Variants in ITPR1 observed in about 807,000 individuals in gnomAD.
The protein encoded by ITPR1 is inositol 1,4,5-trisphosphate receptor type 1, also known as inositol 1,4,5-trisphosphate-gated calcium channel ITPR1.
Under a neutral mutation model 318.4 loss-of-function variants are expected in ITPR1, and 96 were observed. The ratio of observed to expected loss-of-function variants is 0.30; its 90% confidence interval spans 0.26 to 0.36. The LOEUF is 0.36. Among genes scored for constraint, ITPR1 ranks in the 10% least tolerant of loss-of-function variants. ITPR1 has a pLI of 1.00. For missense variants in ITPR1, 2,440 were observed against 3,460.2 expected (o/e 0.71, Z 7.40); for synonymous variants, 1,312 against 1,289.9 (o/e 1.02, Z -0.37).
At chr3:4,824,503 G>A (rs2049940662) in intron 60 of ITPR1, among the ~76,000 whole-genome samples, 1 of 152,148 alleles carries the variant, frequency 6.6e-6, no homozygotes, top group Admixed American at 6.5e-5. Flanking sequence ...TTACCTGTGT[G>A]CACATGCACA....
intron 45 of ITPR1, 105 bp from the exon 46 acceptor site, chr3:4,768,406 T>A (rs1258017385): frequency 1.7e-5 from 22 of 1,320,500 alleles, no homozygotes; most frequent in Non-Finnish European, 2.1e-5. Context: ...ACTTTGAACG[T>A]CTCTAGGAGA....
chr3:4,521,514 G>T (rs1049006999), intron 4 of ITPR1, among the ~76,000 whole-genome samples: 3 of 152,098 alleles, frequency 2.0e-5, no homozygotes, highest in Non-Finnish European at 4.4e-5. Context: ...TGTCTCACTG[G>T]AATGAAACGT....
At chr3:4,665,107 T>G (rs1276317259) in intron 16 of ITPR1, 31 bp from the exon 17 acceptor site, 1 of 1,613,338 alleles carries the variant, frequency 6.2e-7, no homozygotes, top group Admixed American at 1.7e-5. Context: ...CCTAAGTGAT[T>G]GCCATTTTTG....
chr3:4,622,240 G>A (rs1374664069), intron 4 of ITPR1, among the ~76,000 whole-genome samples: 1 of 150,296 alleles, frequency 6.7e-6, no homozygotes, highest in Non-Finnish European at 1.5e-5. Flanking sequence ...TCAGCCTCCT[G>A]AGTAGCTGGG....
chr3:4,689,371 G>A (rs866304370), intron 31 of ITPR1, among the ~76,000 whole-genome samples: 1 of 152,230 alleles, frequency 6.6e-6, no homozygotes, highest in Admixed American at 6.5e-5. Context: ...TTGCTGGATT[G>A]TAGGATAATA....
At chr3:4,806,007 G>T in intron 54 of ITPR1, 96 bp from the exon 55 acceptor site, 1 of 1,079,652 alleles carries the variant, frequency 9.3e-7, no homozygotes, top group Non-Finnish European at 1.3e-6. Context: ...GTTTGGGCAC[G>T]GTGACTGAAA....
chr3:4,678,032 C>T (rs908586634), intron 24 of ITPR1, among the ~76,000 whole-genome samples: 2 of 151,318 alleles, frequency 1.3e-5, no homozygotes, highest in African/African-American at 2.4e-5. Flanking sequence ...TTAGCACCTT[C>T]TTTTTTTTTA....
rs553308863 is a variant in ITPR1 at position 4,580,115 on chromosome 3, C to A, written c.164-47648C>A. Among the ~76,000 whole-genome samples, 8 of 152,098 alleles carry A rather than the reference C, an allele frequency of 5.3e-5. No homozygotes were observed. In the East Asian group the frequency reaches 1.5e-3, roughly 29 times the overall value. Reference sequence around the variant, plus strand: ...GTCCCAGCTACCCGGGAGGCTGAGGCAGGAGAATGGCGTGAACCCGGGAGG... The same window carrying A: ...GTCCCAGCTACCCGGGAGGCTGAGGAAGGAGAATGGCGTGAACCCGGGAGG... On this transcript the variant is annotated intron_variant, in intron 4 of 61. Transcript: ENST00000649015.
intron 37 of ITPR1, among the ~76,000 whole-genome samples, chr3:4,706,715 A>C (rs193015692): frequency 1.4e-3 from 208 of 152,350 alleles, no homozygotes; most frequent in Non-Finnish European, 2.6e-3. Context: ...TTGAATCAGC[A>C]GGTGAACAAG....
intron 4 of ITPR1, among the ~76,000 whole-genome samples, chr3:4,617,988 C>CAA (rs71053433): frequency 7.3e-4 from 96 of 131,780 alleles, no homozygotes; most frequent in Middle Eastern, 3.7e-3. Flanking sequence ...GTGCGTATCT[C>CAA]AAAAAAAAAA....
intron 4 of ITPR1, among the ~76,000 whole-genome samples, chr3:4,609,051 A>AAT (rs754002503): frequency 0.058 from 2,693 of 46,302 alleles, 130 homozygotes; most frequent in East Asian, 0.16. Context: ...ACAACAACGA[A>AAT]ATATATATAT....
At chr3:4,697,089 T>G (rs1256028181) in intron 33 of ITPR1, 58 bp from the exon 34 acceptor site, 1 of 1,551,132 alleles carries the variant, frequency 6.4e-7, no homozygotes, top group Admixed American at 1.8e-5. Context: ...TTGAGGCAGC[T>G]AATGAGTTCC....
intron 50 of ITPR1, among the ~76,000 whole-genome samples, chr3:4,783,341 T>A (rs777363424): frequency 5.3e-5 from 8 of 152,190 alleles, no homozygotes; most frequent in Non-Finnish European, 1.2e-4. Flanking sequence ...TTGTGTTTCC[T>A]GTCCCGTCCA....
intron 39 of ITPR1, among the ~76,000 whole-genome samples, chr3:4,713,413 T>C (rs2041526844): frequency 6.6e-6 from 1 of 152,176 alleles, no homozygotes; most frequent in Non-Finnish European, 1.5e-5. Flanking sequence ...GACTTACAAG[T>C]TGTGATTATA....
Position 4,521,074 on chromosome 3 carries a change from A to G in ITPR1, c.143A>G (p.Asn48Ser), listed in dbSNP as rs2082528097. The G allele has an allele frequency of 6.2e-7, 1 of 1,613,428 alleles. No homozygotes were observed. The highest frequency in any genetic ancestry group is 2.2e-5 in the East Asian group (1 of 44,872). Residue 48 changes from asparagine (N) to serine (S), a missense_variant, in exon 4 of 62, where the codon AAT becomes AGT. Around this residue, in one of 23 missense-constraint regions of ITPR1, gnomAD observed 186 missense variants for 323.9 expected, o/e 0.57. Transcript: ENST00000649015. ...VVQPETGDLN[N>S]PPKKFRDCLF... ...CAGCCAGAAACCGGGGACCTTAACA[A>G]TCCACCTAAGAAATTCAGAGGTAAG...
chr3:4,610,139 C>G (rs1176356349), intron 4 of ITPR1, among the ~76,000 whole-genome samples: 1 of 152,158 alleles, frequency 6.6e-6, no homozygotes, highest in Admixed American at 6.5e-5. Context: ...CATCATCCAT[C>G]CCTCTTCCTG....
intron 42 of ITPR1, 51 bp from the exon 43 acceptor site, chr3:4,733,037 C>T (rs574561873): frequency 1.0e-5 from 16 of 1,576,374 alleles, no homozygotes; most frequent in East Asian, 6.9e-5. Context: ...ATTCGTCCCT[C>T]GGTGATGCAT....
chr3:4,742,870 TC>T (rs1419605518), intron 44 of ITPR1, among the ~76,000 whole-genome samples: 1 of 152,230 alleles, frequency 6.6e-6, no homozygotes, highest in African/African-American at 2.4e-5. Context: ...TGGTTTATCA[TC>T]CAGCAGGCCT....
At chr3:4,783,340 C>G (rs1371636129) in intron 50 of ITPR1, among the ~76,000 whole-genome samples, 1 of 152,152 alleles carries the variant, frequency 6.6e-6, no homozygotes, top group Non-Finnish European at 1.5e-5. Context: ...CTTGTGTTTC[C>G]TGTCCCGTCC....
Sources: gnomAD v4.1 joint callset for allele counts (sites outside exome capture counted in the v4.1 genomes callset) on GRCh38, gnomAD v4.1.1 for gene constraint, gnomAD v4.1.1 regional missense constraint, MANE v1.5 for transcripts, NCBI Gene and HGNC (gene_info 2026-07-23, HGNC 2026-07-21) for gene names.